Variants in NUDT16L1 observed in about 807,000 individuals in gnomAD.
NUDT16L1 encodes the protein tudor-interacting repair regulator protein.
NUDT16L1 carries 19 observed loss-of-function variants against 17.3 expected under a neutral mutation model. The ratio of observed to expected loss-of-function variants is 1.10; its 90% CI spans 0.77 to 1.61. The LOEUF (loss-of-function observed/expected upper bound fraction) is 1.61, where lower values mean the gene tolerates loss of function less well. NUDT16L1 is among the 40% of genes most tolerant of loss of function. NUDT16L1 has a pLI of 0.00. For synonymous variants in NUDT16L1, 255 were observed against 138.6 expected, an observed-to-expected ratio of 1.84 and a Z score of -5.90; for missense variants, 341 against 292.0, an observed-to-expected ratio of 1.17 and a Z score of -1.22.
exon 3 of NUDT16L1, chr16:4,695,408 C>G: frequency 1.7e-6 from 1 of 596,300 alleles, no homozygotes; most frequent in South Asian, 2.0e-5. Context: ...CTGGGCCTGC[C>G]TCTCCAGCCT....
At chr16:4,694,113 C>G in exon 2 of NUDT16L1, 1 of 1,590,664 alleles carries the variant, frequency 6.3e-7, no homozygotes, top group Non-Finnish European at 8.5e-7. Flanking sequence ...GGCCGACTAC[C>G]TGAGCTCGCA....
At chr16:4,694,869 A>G (rs1018803656) in intron 2 of NUDT16L1, 89 bp from the exon 3 acceptor site, 8 of 1,507,092 alleles carry the variant, frequency 5.3e-6, no homozygotes, top group Non-Finnish European at 6.2e-6. Flanking sequence ...GGCTGCTCAT[A>G]CCCTGGCCTC....
exon 3 of NUDT16L1, chr16:4,695,177 T>C: frequency 6.2e-7 from 1 of 1,611,836 alleles, no homozygotes; most frequent in Non-Finnish European, 8.5e-7. Context: ...GGCCTCCTCT[T>C]GAGGGCTGCC....
chr16:4,693,564 C>A (rs956417476), upstream of NUDT16L1: 26 of 752,294 alleles, frequency 3.5e-5, no homozygotes, highest in Non-Finnish European at 4.4e-5. Flanking sequence ...CACCTCTCGA[C>A]GACGCACCGC....
chr16:4,693,747 G>C lies in NUDT16L1; in HGVS notation c.21G>C (p.Pro7=), dbSNP rs755438263. ...CCAAGATGTCGACGGCGGCGGTTCC[G>C]GAGCTGAAGCAGATCAGCCGGGTGG... The change falls in exon 1 of 3, where the codon CCG becomes CCC. Residue 7 remains proline, a synonymous_variant. Coordinates refer to ENST00000304301, the Ensembl canonical transcript of NUDT16L1. The C allele has an allele frequency of 3.9e-6, 6 of 1,547,748 alleles. No individual in the cohort carries two copies. In the Admixed American group the frequency reaches 5.8e-5, roughly 15 times the overall value.
intron 2 of NUDT16L1, 23 bp from the exon 3 acceptor site, chr16:4,694,935 A>G (rs1596331007): frequency 6.3e-7 from 1 of 1,592,172 alleles, no homozygotes. Context: ...CCTGGCCCCA[A>G]CCCCTACCTC....
intron 2 of NUDT16L1, 114 bp downstream of exon 2, chr16:4,694,352 G>T: frequency 6.7e-7 from 1 of 1,482,134 alleles, no homozygotes; most frequent in Non-Finnish European, 8.9e-7. Flanking sequence ...TGGGTCGGGT[G>T]TCGCTGTCTC....
intron 2 of NUDT16L1, 60 bp downstream of exon 2, chr16:4,694,298 G>A (rs2079485666): frequency 6.8e-7 from 1 of 1,478,912 alleles, no homozygotes; most frequent in Non-Finnish European, 8.9e-7. Flanking sequence ...CCCCGTGGAA[G>A]GCACCGATGG....
rs2079518031 is a variant in NUDT16L1 at position 4,695,233 on chromosome 16, G to A, written c.*54G>A. On this transcript the variant is annotated 3_prime_UTR_variant, in exon 3 of 3. Transcript: ENST00000304301. The stretch of plus-strand genomic sequence containing the variant: ...CTGGGCCGGAAGACTGGGAATTCCT[G>A]CTAAGTGTGGCTTCTAGAGTGTTTG... 4 of 1,560,250 alleles carry A rather than the reference G, an allele frequency of 2.6e-6. No homozygotes were observed. The Admixed American group carries it at 5.1e-5, about 20-fold the overall frequency.
rs771706304 is a variant in NUDT16L1 at position 4,693,726 on chromosome 16, G to C, written c.-1G>C. The C allele has an allele frequency of 5.9e-6, 9 of 1,527,830 alleles. No individual in the cohort carries two copies. The East Asian group carries it at 1.4e-4, about 23-fold the overall frequency. The allele number at this position is 1,527,830 out of a possible 1,614,324, so 94.6% of individuals were successfully genotyped here. A position where few individuals can be genotyped will look rare whatever the true frequency, so the allele number is the denominator to read the frequency against. ...GCGGCGGGGACGGGGTCAGTGCCAA[G>C]ATGTCGACGGCGGCGGTTCCGGAGC... is the stretch of plus-strand genomic sequence containing the variant. On this transcript the variant is annotated 5_prime_UTR_variant, in exon 1 of 3. Coordinates refer to ENST00000304301, the Ensembl canonical transcript of NUDT16L1.
intron 2 of NUDT16L1, chr16:4,694,717 G>C (rs1190554747): frequency 1.4e-6 from 2 of 1,424,830 alleles, no homozygotes; most frequent in Non-Finnish European, 1.8e-6. Flanking sequence ...CCCGGGGTGG[G>C]GTGGCCTGGG....
At chr16:4,695,235 T>G in exon 3 of NUDT16L1, 1 of 1,558,936 alleles carries the variant, frequency 6.4e-7, no homozygotes, top group Non-Finnish European at 8.8e-7. Flanking sequence ...GAATTCCTGC[T>G]AAGTGTGGCT....
chr16:4,695,584 A>C (rs911369591), exon 3 of NUDT16L1: 8 of 441,260 alleles, frequency 1.8e-5, no homozygotes, highest in African/African-American at 1.6e-4. Flanking sequence ...CGGTCAGCTC[A>C]TTCCTGCCTC....
intron 2 of NUDT16L1, chr16:4,694,517 G>A: frequency 2.0e-6 from 3 of 1,497,418 alleles, no homozygotes; most frequent in Non-Finnish European, 8.9e-7. Flanking sequence ...GATCGGTGGG[G>A]AGGAAGGGAT....
At chr16:4,694,457 T>C in intron 2 of NUDT16L1, 1 of 1,523,822 alleles carries the variant, frequency 6.6e-7, no homozygotes, top group Non-Finnish European at 8.8e-7. Context: ...AGGGCTGTGT[T>C]ACATCCGCCT....
chr16:4,694,345 G>T, intron 2 of NUDT16L1, 107 bp downstream of exon 2: 1 of 1,486,196 alleles, frequency 6.7e-7, no homozygotes, highest in South Asian at 1.3e-5. Context: ...GCCGGGCTGG[G>T]TCGGGTGTCG....
At chr16:4,694,272 CGG>C in intron 2 of NUDT16L1, 34 bp downstream of exon 2, 1 of 1,460,602 alleles carries the variant, frequency 6.8e-7, no homozygotes, top group South Asian at 1.4e-5. Context: ...CCCCCCGCCC[CGG>C]GGTTTGGCTC....
chr16:4,694,018 G>A (rs773410620), exon 2 of NUDT16L1: 1 of 1,584,452 alleles, frequency 6.3e-7, no homozygotes, highest in East Asian at 2.4e-5. Context: ...TTCCCCGGGG[G>A]CTTCGTGGAC....
At chr16:4,694,022 C>T (rs373308181) in exon 2 of NUDT16L1, 13 of 1,584,402 alleles carry the variant, frequency 8.2e-6, no homozygotes, top group Non-Finnish European at 1.0e-5. Context: ...CCGGGGGCTT[C>T]GTGGACCGGC....
Sources: allele counts gnomAD v4.1 joint callset, GRCh38; gene constraint gnomAD v4.1.1; transcripts MANE v1.5; gene names NCBI Gene and HGNC (gene_info 2026-07-23, HGNC 2026-07-21).